CAPZB: variants seen among roughly 807,000 people sequenced by gnomAD.
CAPZB encodes capping actin protein of muscle Z-line subunit beta.
A neutral mutation model predicts 38.1 loss-of-function variants in CAPZB; 2 were observed. The observed-to-expected ratio is 0.05, with a 90% CI of 0.02 to 0.17. The LOEUF (loss-of-function observed/expected upper bound fraction) is 0.17. CAPZB is among the 10% of genes least tolerant of loss of function. CAPZB has a pLI of 1.00. For missense variants in CAPZB, 161 were observed against 334.2 expected (o/e 0.48, Z 4.04); for synonymous variants, 107 against 127.4 (o/e 0.84, Z 1.08).
At chr1:19,384,709 T>C (rs2094194607) in intron 3 of CAPZB, among the ~76,000 whole-genome samples, 1 of 152,146 alleles carries the variant, frequency 6.6e-6, no homozygotes, top group African/African-American at 2.4e-5. Flanking sequence ...CAGGCTGTGT[T>C]CCTCTACCAT....
chr1:19,426,556 G>A (rs771563621), intron 1 of CAPZB, among the ~76,000 whole-genome samples: 8 of 152,070 alleles, frequency 5.3e-5, no homozygotes, highest in Non-Finnish European at 8.8e-5. Context: ...AAGAGACAAC[G>A]CGGCTTCTCC....
chr1:19,482,871 GAGTATTCAAAT>G (rs2094634774), intron 1 of CAPZB, among the ~76,000 whole-genome samples: 1 of 152,226 alleles, frequency 6.6e-6, no homozygotes, highest in Non-Finnish European at 1.5e-5. Context: ...TTAATGGTCA[GAGTATTCAAAT>G]AGGGGATAAA....
At position 19,343,963 on chromosome 1, in the gene CAPZB, C is replaced by G. The variant is rs545738525; in HGVS notation, c.731+395G>C. ...CTGCCTGCACGTTGCGCTCTGCTGT[C>G]TCGGAGAGCAGGCCAGCCAGAGGCA... On this transcript the variant is annotated intron_variant, in intron 8 of 8. Transcript: ENST00000264202. 1.6e-3 allele frequency among the ~76,000 whole-genome samples: 247 copies of G among 152,338 alleles called. 1 individual carries two copies. Among genetic ancestry groups the G allele is most frequent in the African/African-American group, 5.8e-3 (241 of 41,574 alleles).
At chr1:19,381,154 G>GC (rs762721668) in intron 3 of CAPZB, among the ~76,000 whole-genome samples, 6 of 151,928 alleles carry the variant, frequency 3.9e-5, no homozygotes, top group African/African-American at 9.7e-5. Flanking sequence ...GGGTGACAGA[G>GC]CAAGACTCCA....
At position 19,484,696 on chromosome 1, in the gene CAPZB, G is replaced by A. The variant is rs1033656943; in HGVS notation, c.3+740C>T. 6.3e-6 allele frequency: 7 copies of A among 1,118,572 alleles called. No homozygotes were observed. In the Admixed American group the frequency reaches 2.2e-4, roughly 35 times the overall value. The allele number at this position is 1,118,572 out of a possible 1,614,324, so 69.3% of individuals were successfully genotyped here. The stretch of plus-strand genomic sequence containing the variant: ...CCCTGGGTCGTGCACCAGGCAGGGG[G>A]CAGGACCCTGATGAGAGGCTCAGGG... On this transcript the variant is annotated intron_variant, in intron 1 of 8. Transcript: ENST00000264202.
intron 6 of CAPZB, among the ~76,000 whole-genome samples, chr1:19,354,810 A>C (rs1180070129): frequency 2.0e-5 from 3 of 152,088 alleles, no homozygotes; most frequent in African/African-American, 4.8e-5. Flanking sequence ...CTCTGGATAC[A>C]GATTCAGGAT....
At chr1:19,438,710 A>G (rs2094466132) in intron 1 of CAPZB, among the ~76,000 whole-genome samples, 1 of 152,174 alleles carries the variant, frequency 6.6e-6, no homozygotes, top group African/African-American at 2.4e-5. Flanking sequence ...AGTGAGACTC[A>G]GCAGAGGACA....
chr1:19,353,544 G>GCAGGGCTGTCCCCTCTGACCCTCC (rs1335864710), intron 6 of CAPZB, among the ~76,000 whole-genome samples: 1 of 151,760 alleles, frequency 6.6e-6, no homozygotes, highest in African/African-American at 2.4e-5. Flanking sequence ...CCTCTCTGCT[G>GCAGGGCTGTCCCCTCTGACCCTCC]CAGGGCTGTC....
At chr1:19,421,377 C>T (rs965578214) in intron 1 of CAPZB, among the ~76,000 whole-genome samples, 1 of 152,090 alleles carries the variant, frequency 6.6e-6, no homozygotes, top group Admixed American at 6.5e-5. Flanking sequence ...GCATATACAG[C>T]CAGCTGTTTT....
At chr1:19,453,543 G>A (rs1032633281) in intron 1 of CAPZB, among the ~76,000 whole-genome samples, 1 of 152,202 alleles carries the variant, frequency 6.6e-6, no homozygotes, top group African/African-American at 2.4e-5. Context: ...CTACAGGCGT[G>A]AGCCACTGCC....
intron 3 of CAPZB, among the ~76,000 whole-genome samples, chr1:19,384,019 A>C (rs2094190616): frequency 6.6e-6 from 1 of 152,206 alleles, no homozygotes; most frequent in South Asian, 2.1e-4. Flanking sequence ...TTTCCATTTA[A>C]AGCCAGGAAA....
intron 2 of CAPZB, among the ~76,000 whole-genome samples, chr1:19,414,356 A>G (rs140266998): frequency 7.3e-4 from 111 of 152,314 alleles, no homozygotes; most frequent in African/African-American, 2.6e-3. Flanking sequence ...AATATGCTGA[A>G]AACAGTTAAC....
intron 1 of CAPZB, among the ~76,000 whole-genome samples, chr1:19,464,193 GAAGA>G (rs1399554607): frequency 6.7e-6 from 1 of 149,006 alleles, no homozygotes; most frequent in African/African-American, 2.5e-5. Flanking sequence ...TCGAAAAAGG[GAAGA>G]AAGAAAAGAG....
intron 8 of CAPZB, among the ~76,000 whole-genome samples, chr1:19,339,932 T>G (rs2093918943): frequency 6.6e-6 from 1 of 152,198 alleles, no homozygotes; most frequent in Admixed American, 6.5e-5. Flanking sequence ...CACTCCTCTG[T>G]GTGTAGGTCC....
At chr1:19,407,733 C>T (rs2094338906) in intron 2 of CAPZB, among the ~76,000 whole-genome samples, 1 of 152,164 alleles carries the variant, frequency 6.6e-6, no homozygotes, top group Admixed American at 6.5e-5. Context: ...CAGCCACGCT[C>T]TTGTCTAGCT....
intron 2 of CAPZB, among the ~76,000 whole-genome samples, chr1:19,413,021 T>C (rs750975320): frequency 9.9e-5 from 15 of 152,200 alleles, no homozygotes; most frequent in Non-Finnish European, 1.6e-4. Context: ...CCTAGAATAG[T>C]GTCTGGTGCA....
At chr1:19,471,590 C>T (rs1268843608) in intron 1 of CAPZB, among the ~76,000 whole-genome samples, 6 of 152,084 alleles carry the variant, frequency 3.9e-5, no homozygotes, top group Middle Eastern at 3.2e-3. Flanking sequence ...CTCGGCTGGG[C>T]GCTGTGGCTC....
intron 8 of CAPZB, among the ~76,000 whole-genome samples, chr1:19,344,063 A>G (rs2093947708): frequency 1.3e-5 from 2 of 152,102 alleles, no homozygotes; most frequent in Admixed American, 6.5e-5. Context: ...TTGAGCGGGG[A>G]CTGACAAACT....
intron 2 of CAPZB, 144 bp downstream of exon 2, chr1:19,419,517 G>A: frequency 1.7e-6 from 1 of 603,078 alleles, no homozygotes; most frequent in Non-Finnish European, 3.0e-6. Context: ...CTCTCTGCCT[G>A]GAGGAATCTC....
Sources: allele counts gnomAD v4.1 joint callset (sites outside exome capture counted in the v4.1 genomes callset), GRCh38; gene constraint gnomAD v4.1.1; transcripts MANE v1.5; gene names NCBI Gene and HGNC (gene_info 2026-07-23, HGNC 2026-07-21).